The following KLHL3 variants were observed in gnomAD, a reference collection of about 807,000 sequenced individuals.
KLHL3 encodes the protein kelch-like protein 3.
Under a neutral mutation model 70.5 loss-of-function variants are expected in KLHL3, and 19 were observed. The ratio of observed to expected loss-of-function variants is 0.27; its 90% CI spans 0.19 to 0.40. KLHL3 has a LOEUF of 0.40. KLHL3 is among the 10% of genes least tolerant of loss of function. The probability of loss-of-function intolerance (pLI) is 1.00; values close to 1 mark genes in which losing one functional copy is unlikely to be tolerated. For missense variants in KLHL3, 512 were observed against 771.1 expected, an observed-to-expected ratio of 0.66 and a Z score of 3.98; for synonymous variants, 258 against 290.3, an observed-to-expected ratio of 0.89 and a Z score of 1.13.
chr5:137,729,980 G>A (rs546849067), intron 1 of KLHL3, among the ~76,000 whole-genome samples: 49 of 152,174 alleles, frequency 3.2e-4, no homozygotes, highest in African/African-American at 7.7e-4. Context: ...AGGCTGAATC[G>A]CTATAATAGC....
chr5:137,620,911 C>T lies in KLHL3; in HGVS notation c.*1187G>A, dbSNP rs1267239219. The T allele has an allele frequency of 2.0e-5, 3 of 152,256 alleles. No individual in the cohort carries two copies. Among genetic ancestry groups the T allele is most frequent in the Admixed American group, 2.0e-4 (3 of 15,288 alleles). The allele number at this position is 152,256 out of a possible 1,614,324, so 9.4% of individuals were successfully genotyped here. A position where few individuals can be genotyped will look rare whatever the true frequency, so the allele number is the denominator to read the frequency against. Reference sequence around the variant, plus strand: ...AAAGAAGACAAGGACATTAGACAGACTTGACCACTGTCACAAAGTGCCAAG... The same window carrying T: ...AAAGAAGACAAGGACATTAGACAGATTTGACCACTGTCACAAAGTGCCAAG... On this transcript the variant is annotated 3_prime_UTR_variant, in exon 15 of 15. Coordinates refer to ENST00000309755, the MANE Select transcript of KLHL3 (RefSeq NM_017415.3).
chr5:137,669,873 A>G (rs1423609595), intron 6 of KLHL3, among the ~76,000 whole-genome samples: 1 of 152,246 alleles, frequency 6.6e-6, no homozygotes, highest in Admixed American at 6.5e-5. Flanking sequence ...AGCTGAGTGG[A>G]AATTGAAGCC....
rs144297776 is a variant in KLHL3, at chr5:137,691,808, G to A, written c.526+477C>T. 2.7e-3 allele frequency among the ~76,000 whole-genome samples: 402 copies of A among 150,970 alleles called. 11 individuals are homozygous for A. In the East Asian group the frequency reaches 0.037, roughly 14 times the overall value. On this transcript the variant is annotated intron_variant, in intron 5 of 14. Transcript: ENST00000309755. ...TTTTTTTTGTATTTTTAATAGAGAC[G>A]GGGGTTTCACCGTGTTAGCCAGGAT...
intron 2 of KLHL3, among the ~76,000 whole-genome samples, chr5:137,719,889 A>T (rs1052294625): frequency 6.6e-6 from 1 of 152,196 alleles, no homozygotes; most frequent in Non-Finnish European, 1.5e-5. Flanking sequence ...TTATGAATAG[A>T]CTTGCTGTAA....
intron 1 of KLHL3, among the ~76,000 whole-genome samples, chr5:137,727,893 T>C (rs1343920064): frequency 6.6e-6 from 1 of 152,178 alleles, no homozygotes; most frequent in Non-Finnish European, 1.5e-5. Flanking sequence ...TTGTAACATT[T>C]GCCAATTTCC....
intron 8 of KLHL3, among the ~76,000 whole-genome samples, chr5:137,654,875 A>C (rs11741355): frequency 0.96 from 145,570 of 152,274 alleles, 69,939 homozygotes; most frequent in East Asian, 1. Flanking sequence ...ACTATAGATT[A>C]AATCCCTGGG....
At chr5:137,678,481 C>A (rs1335894968) in intron 5 of KLHL3, among the ~76,000 whole-genome samples, 2 of 152,170 alleles carry the variant, frequency 1.3e-5, no homozygotes, top group East Asian at 3.8e-4. Flanking sequence ...CCTGGCTTTG[C>A]CATTTATGAT....
intron 6 of KLHL3, among the ~76,000 whole-genome samples, chr5:137,667,782 G>A (rs895527645): frequency 4.6e-5 from 7 of 152,190 alleles, no homozygotes; most frequent in African/African-American, 1.2e-4. Context: ...AGAGAAAGAC[G>A]CTAATTTTGA....
At chr5:137,692,221 G>A in intron 5 of KLHL3, 64 bp downstream of exon 5, 2 of 1,437,968 alleles carry the variant, frequency 1.4e-6, no homozygotes, top group Non-Finnish European at 1.9e-6. Flanking sequence ...TGAGGAGTCT[G>A]CAGAAGACCA....
At chr5:137,687,290 G>A (rs1297552202) in intron 5 of KLHL3, among the ~76,000 whole-genome samples, 1 of 38,044 alleles carries the variant, frequency 2.6e-5, no homozygotes, top group Non-Finnish European at 4.9e-5. Context: ...AGGGAGGTGG[G>A]GGGGTCAGCC....
At chr5:137,628,705 A>T in intron 12 of KLHL3, 1 of 233,250 alleles carries the variant, frequency 4.3e-6, no homozygotes, top group Non-Finnish European at 8.1e-6. Context: ...AAATATATAT[A>T]TATATATACA....
rs10578622 is a variant in KLHL3 at position 137,682,403 on chromosome 5, T to TAGAGAGAGAG, written c.527-4759_527-4750dup. 1.9e-3 allele frequency among the ~76,000 whole-genome samples: 256 copies of TAGAGAGAGAG among 133,452 alleles called. 5 individuals carry two copies. Among genetic ancestry groups the TAGAGAGAGAG allele is most frequent in the African/African-American group, 6.1e-3 (220 of 35,902 alleles). 87.5% of individuals were successfully genotyped at this position (133,452 alleles called of 152,430 possible). ...GAATCCCTCTCAGGGGTGCTGGACA[T>TAGAGAGAGAG]AGAGAGAGAGAGAGAGAGAGAGAGA... On this transcript the variant is annotated intron_variant, in intron 5 of 14. Coordinates refer to ENST00000309755, the MANE Select transcript of KLHL3 (RefSeq NM_017415.3).
At chr5:137,628,630 G>A (rs1032847383) in intron 12 of KLHL3, 193 bp from the exon 13 acceptor site, 2 of 500,432 alleles carry the variant, frequency 4.0e-6, no homozygotes, top group African/African-American at 3.8e-5. Context: ...CATAAGACTA[G>A]CAACCTCAAA....
intron 1 of KLHL3, among the ~76,000 whole-genome samples, chr5:137,723,305 A>G (rs1753032922): frequency 6.6e-6 from 1 of 152,170 alleles, no homozygotes; most frequent in African/African-American, 2.4e-5. Context: ...TGATTAAAAA[A>G]CTGCATTGAA....
At chr5:137,727,147 C>A (rs1753097199) in intron 1 of KLHL3, among the ~76,000 whole-genome samples, 1 of 152,066 alleles carries the variant, frequency 6.6e-6, no homozygotes, top group Admixed American at 6.6e-5. Flanking sequence ...TTTCTGTATT[C>A]TCTATCTCAG....
intron 6 of KLHL3, among the ~76,000 whole-genome samples, chr5:137,665,407 C>T (rs1751589933): frequency 6.6e-6 from 1 of 152,120 alleles, no homozygotes; most frequent in African/African-American, 2.4e-5. Context: ...TTTCCTCGTT[C>T]TTAAGAGATA....
intron 4 of KLHL3, 64 bp from the exon 5 acceptor site, chr5:137,692,511 C>T: frequency 6.7e-7 from 1 of 1,483,614 alleles, no homozygotes; most frequent in Non-Finnish European, 9.4e-7. Context: ...CTGCCTTTTC[C>T]TATCATATCA....
At chr5:137,685,036 C>T (rs1011191020) in intron 5 of KLHL3, among the ~76,000 whole-genome samples, 4 of 152,162 alleles carry the variant, frequency 2.6e-5, no homozygotes, top group African/African-American at 9.7e-5. Context: ...GATGCTTCAG[C>T]CCCCACAAAG....
intron 8 of KLHL3, among the ~76,000 whole-genome samples, chr5:137,648,200 C>A (rs1751103980): frequency 6.6e-6 from 1 of 152,172 alleles, no homozygotes; most frequent in East Asian, 1.9e-4. Context: ...CCCCAGGGTG[C>A]TTGTCAGGGT....
Sources: allele counts gnomAD v4.1 joint callset (sites outside exome capture counted in the v4.1 genomes callset), GRCh38; gene constraint gnomAD v4.1.1; transcripts MANE v1.5; gene names NCBI Gene and HGNC (gene_info 2026-07-23, HGNC 2026-07-21).